Variants in HCN1 observed in about 807,000 individuals in gnomAD.
HCN1 encodes the protein potassium/sodium hyperpolarization-activated cyclic nucleotide-gated channel 1.
A neutral mutation model predicts 78.9 loss-of-function variants in HCN1; 13 were observed. The observed-to-expected ratio is 0.16, with a 90% CI of 0.11 to 0.26. The LOEUF is 0.26. Among genes scored for constraint, HCN1 ranks in the 10% least tolerant of loss-of-function variants. The pLI is 1.00. For missense variants in HCN1, 810 were observed against 1,154.3 expected, an observed-to-expected ratio of 0.70 and a Z score of 4.32; for synonymous variants, 552 against 455.5, an observed-to-expected ratio of 1.21 and a Z score of -2.70.
At chr5:45,335,825 G>GA (rs1231192456) in intron 5 of HCN1, among the ~76,000 whole-genome samples, 1 of 151,976 alleles carries the variant, frequency 6.6e-6, no homozygotes, top group East Asian at 1.9e-4. Context: ...TTCAAGATGA[G>GA]AAAAATGAAG....
chr5:45,283,825 T>C (rs1476524515), intron 6 of HCN1, among the ~76,000 whole-genome samples: 1 of 152,118 alleles, frequency 6.6e-6, no homozygotes, highest in African/African-American at 2.4e-5. Flanking sequence ...CATTCTACTA[T>C]AAAGACACAT....
At chr5:45,581,342 C>T (rs1325882663) in intron 2 of HCN1, among the ~76,000 whole-genome samples, 3 of 152,084 alleles carry the variant, frequency 2.0e-5, no homozygotes, top group Non-Finnish European at 2.9e-5. Context: ...CTGTTTGTAT[C>T]CTTCACCCAC....
intron 2 of HCN1, among the ~76,000 whole-genome samples, chr5:45,618,556 A>T (rs866313959): frequency 5.9e-5 from 9 of 152,264 alleles, no homozygotes; most frequent in South Asian, 4.1e-4. Context: ...TAAGGCTAAC[A>T]TAAACAAAGA....
At chr5:45,362,364 A>T (rs1172467480) in intron 4 of HCN1, among the ~76,000 whole-genome samples, 1 of 152,118 alleles carries the variant, frequency 6.6e-6, no homozygotes, top group African/African-American at 2.4e-5. Flanking sequence ...TTTCACTCAC[A>T]GAAGATGACT....
rs529201722 is a variant in HCN1, at chr5:45,344,752, T to C, written c.1377+8348A>G. Among the ~76,000 whole-genome samples, 207 of 152,280 alleles carry C rather than the reference T, an allele frequency of 1.4e-3. No homozygotes were observed. The Middle Eastern group carries it at 0.014, about 10-fold the overall frequency. On this transcript the variant is annotated intron_variant, in intron 5 of 7. Coordinates refer to ENST00000303230, the MANE Select transcript of HCN1 (RefSeq NM_021072.4). ...CCTTGGGCAGCTCTATCCCTGTGGTTTTGCAGGGTACAGCCCATCTACCAG... is the reference window on the plus strand; with the variant it reads ...CCTTGGGCAGCTCTATCCCTGTGGTCTTGCAGGGTACAGCCCATCTACCAG...
At chr5:45,538,709 T>C (rs760188683) in intron 2 of HCN1, among the ~76,000 whole-genome samples, 4 of 152,036 alleles carry the variant, frequency 2.6e-5, no homozygotes, top group Non-Finnish European at 5.9e-5. Flanking sequence ...TACATCCAAA[T>C]TATAAAATCA....
intron 4 of HCN1, among the ~76,000 whole-genome samples, chr5:45,368,091 A>C (rs886228871): frequency 1.3e-5 from 2 of 152,022 alleles, no homozygotes; most frequent in Admixed American, 6.6e-5. Context: ...CCAGGAGCTT[A>C]CACTATTCCT....
At chr5:45,407,659 A>G (rs1739951575) in intron 3 of HCN1, among the ~76,000 whole-genome samples, 1 of 152,042 alleles carries the variant, frequency 6.6e-6, no homozygotes, top group Non-Finnish European at 1.5e-5. Context: ...AGCTGGGATT[A>G]CAGGCACCCA....
At chr5:45,316,462 G>A (rs1236266541) in intron 5 of HCN1, among the ~76,000 whole-genome samples, 2 of 152,108 alleles carry the variant, frequency 1.3e-5, no homozygotes, top group Non-Finnish European at 2.9e-5. Context: ...ATATCATACT[G>A]AATGGGCAAA....
intron 3 of HCN1, among the ~76,000 whole-genome samples, chr5:45,441,939 A>T (rs1740687976): frequency 6.6e-6 from 1 of 152,180 alleles, no homozygotes; most frequent in Non-Finnish European, 1.5e-5. Flanking sequence ...GAATATCACA[A>T]CTAAAATATT....
chr5:45,348,844 C>G (rs1200861714), intron 5 of HCN1, among the ~76,000 whole-genome samples: 1 of 152,292 alleles, frequency 6.6e-6, no homozygotes. Context: ...ATATATGCAT[C>G]CAATACAGGA....
chr5:45,329,019 G>C (rs1008541405), intron 5 of HCN1, among the ~76,000 whole-genome samples: 17 of 151,578 alleles, frequency 1.1e-4, no homozygotes, highest in African/African-American at 4.1e-4. Flanking sequence ...TTGACATTGA[G>C]ATAAAAGTGG....
At chr5:45,420,224 T>A (rs1740200069) in intron 3 of HCN1, among the ~76,000 whole-genome samples, 1 of 152,220 alleles carries the variant, frequency 6.6e-6, no homozygotes, top group South Asian at 2.1e-4. Flanking sequence ...ATCTGTTTTT[T>A]TACATCCTTC....
rs746164876 is a variant in HCN1, at chr5:45,327,805, C to T, written c.1378-23966G>A. 2.6e-5 allele frequency among the ~76,000 whole-genome samples: 4 copies of T among 151,512 alleles called. No individual in the cohort carries two copies. In the Admixed American group the frequency reaches 2.6e-4, roughly 10 times the overall value. ...ACACAGAAAAGACATCTGGGGTGAA[C>T]AAGCACAGAGAAAAGGAAGCCCTCT... On this transcript the variant is annotated intron_variant, in intron 5 of 7. Transcript: ENST00000303230.
At chr5:45,344,107 A>C (rs1305878951) in intron 5 of HCN1, among the ~76,000 whole-genome samples, 3 of 152,138 alleles carry the variant, frequency 2.0e-5, no homozygotes, top group African/African-American at 7.2e-5. Context: ...GGAAGCAAAC[A>C]TGTCCTTCTT....
chr5:45,265,574 C>T (rs142447191), intron 7 of HCN1, among the ~76,000 whole-genome samples: 218 of 152,216 alleles, frequency 1.4e-3, no homozygotes, highest in Non-Finnish European at 2.0e-3. Context: ...ATGCAGTCTG[C>T]TGTCCTACTA....
chr5:45,530,239 G>C (rs1742814104), intron 2 of HCN1, among the ~76,000 whole-genome samples: 1 of 151,956 alleles, frequency 6.6e-6, no homozygotes, highest in Non-Finnish European at 1.5e-5. Context: ...CTTAACTCAT[G>C]TTTGAAAACA....
Position 45,548,977 on chromosome 5 carries a change from C to T in HCN1, c.850-86970G>A, listed in dbSNP as rs557933237. Reference sequence around the variant, plus strand: ...CCTCTTCAAGGAGAACTACAAACCACTGCTCAATGAAATAAAAGAGGATAC... The same window carrying T: ...CCTCTTCAAGGAGAACTACAAACCATTGCTCAATGAAATAAAAGAGGATAC... On this transcript the variant is annotated intron_variant, in intron 2 of 7. Transcript: ENST00000303230. 8.1e-4 allele frequency among the ~76,000 whole-genome samples: 123 copies of T among 151,452 alleles called. 3 individuals carry two copies. In the South Asian group the frequency reaches 0.018, roughly 23 times the overall value.
intron 2 of HCN1, among the ~76,000 whole-genome samples, chr5:45,602,296 C>T (rs1022176253): frequency 6.6e-6 from 1 of 152,090 alleles, no homozygotes; most frequent in East Asian, 1.9e-4. Flanking sequence ...GAAATTGTTA[C>T]CATAGGCCCT....
Sources: gnomAD v4.1 joint callset for allele counts (sites outside exome capture counted in the v4.1 genomes callset) on GRCh38, gnomAD v4.1.1 for gene constraint, MANE v1.5 for transcripts, NCBI Gene and HGNC (gene_info 2026-07-23, HGNC 2026-07-21) for gene names.